FRMD4A: variants seen among roughly 807,000 people sequenced by gnomAD.
FRMD4A encodes FERM domain containing 4A, also known as FERM domain-containing protein 4A.
Under a neutral mutation model 129.1 loss-of-function variants are expected in FRMD4A, and 29 were observed. The ratio of observed to expected loss-of-function variants is 0.22; its 90% CI spans 0.17 to 0.31. FRMD4A has a LOEUF of 0.31. Among genes scored for constraint, FRMD4A ranks in the 10% least tolerant of loss-of-function variants. The pLI is 1.00. For missense variants in FRMD4A, 1,272 were observed against 1,375.8 expected (o/e 0.92, Z 1.19); for synonymous variants, 634 against 571.6 (o/e 1.11, Z -1.56).
intron 2 of FRMD4A, among the ~76,000 whole-genome samples, chr10:14,027,922 T>C (rs1442749234): frequency 3.9e-5 from 6 of 152,066 alleles, no homozygotes; most frequent in Admixed American, 3.9e-4. Context: ...ATTCGGATTT[T>C]AGTGAATGAT....
At chr10:14,067,882 T>C (rs1389115684) in intron 2 of FRMD4A, among the ~76,000 whole-genome samples, 5 of 152,124 alleles carry the variant, frequency 3.3e-5, no homozygotes, top group African/African-American at 4.8e-5. Flanking sequence ...CAAATGTATA[T>C]ACACAAACAG....
chr10:14,015,273 T>TC (rs2095695496), intron 2 of FRMD4A, among the ~76,000 whole-genome samples: 2 of 84,544 alleles, frequency 2.4e-5, no homozygotes, highest in Admixed American at 1.1e-4. Context: ...TTCCTTCCTT[T>TC]CTTCCTTCCT....
At chr10:13,856,129 G>T (rs931379671) in intron 3 of FRMD4A, among the ~76,000 whole-genome samples, 1 of 151,750 alleles carries the variant, frequency 6.6e-6, no homozygotes, top group African/African-American at 2.4e-5. Context: ...TGTATAGGTA[G>T]TGTGTATATC....
intron 2 of FRMD4A, among the ~76,000 whole-genome samples, chr10:13,929,314 G>C (rs2095168624): frequency 6.6e-6 from 1 of 152,174 alleles, no homozygotes; most frequent in African/African-American, 2.4e-5. Flanking sequence ...TCTCCAGGCT[G>C]AGTCCTTGCT....
chr10:14,099,428 G>A lies in FRMD4A; in HGVS notation c.45+230630C>T, dbSNP rs568172968. On this transcript the variant is annotated intron_variant, in intron 2 of 24. Transcript: ENST00000357447. ...CACTATGTGGCAAATCCTGCTTTAA[G>A]TGTGTACGTGCATAGCCATCCCTCG... Among the ~76,000 whole-genome samples the A allele has an allele frequency of 6.6e-5, 10 of 152,326 alleles. No individual in the cohort carries two copies. The South Asian group carries it at 2.1e-3, about 32-fold the overall frequency.
In FRMD4A at chr10:13,957,043, G is replaced by A. The variant is rs1184037622; in HGVS notation, c.46-98131C>T. On this transcript the variant is annotated intron_variant, in intron 2 of 24. Coordinates refer to ENST00000357447, the MANE Select transcript of FRMD4A (RefSeq NM_018027.5). ...TCTTGCTAAATAATTGGCTTAGAAA[G>A]TCGTGAAAGGCGTCAGTGGCTCTGA... Among the ~76,000 whole-genome samples the A allele has an allele frequency of 2.0e-5, 3 of 152,318 alleles. No homozygotes were observed. In the South Asian group the frequency reaches 6.2e-4, roughly 32 times the overall value.
At chr10:14,166,020 CTG>C (rs1315178787) in intron 2 of FRMD4A, among the ~76,000 whole-genome samples, 1 of 152,050 alleles carries the variant, frequency 6.6e-6, no homozygotes, top group East Asian at 1.9e-4. Context: ...AGAAAAAAAA[CTG>C]TCTTCATAGT....
At chr10:13,872,664 T>A (rs1239515523) in intron 2 of FRMD4A, among the ~76,000 whole-genome samples, 1 of 152,212 alleles carries the variant, frequency 6.6e-6, no homozygotes. Flanking sequence ...CACACCTACC[T>A]AACATCCAAC....
chr10:13,793,846 A>G (rs1240486723), intron 5 of FRMD4A, among the ~76,000 whole-genome samples: 1 of 152,216 alleles, frequency 6.6e-6, no homozygotes, highest in African/African-American at 2.4e-5. Flanking sequence ...GATGAAAAGC[A>G]AGGTAAAGAG....
At chr10:14,000,778 G>C (rs1253384590) in intron 2 of FRMD4A, among the ~76,000 whole-genome samples, 1 of 151,808 alleles carries the variant, frequency 6.6e-6, no homozygotes, top group Admixed American at 6.6e-5. Context: ...CCATGCACCA[G>C]TCAAGAAAAG....
In FRMD4A at chr10:13,737,828, AG is replaced by A; in HGVS notation, c.759+15del. 1 of 1,443,846 alleles carries A rather than the reference AG, an allele frequency of 6.9e-7. No individual in the cohort carries two copies. The highest frequency in any genetic ancestry group is 2.3e-5 in the East Asian group (1 of 44,058). 89.4% of individuals were successfully genotyped at this position (1,443,846 alleles called of 1,614,324 possible). On this transcript the variant is annotated intron_variant, in intron 12 of 24. Transcript: ENST00000357447. ...GATCTGAGAGGAGTTAAACCCAAGCAGGAGACCAGCCTTACCTTTCTTGGCT... is the reference window on the plus strand; with the variant it reads ...GATCTGAGAGGAGTTAAACCCAAGCAGAGACCAGCCTTACCTTTCTTGGCT...
chr10:13,976,499 A>G (rs181131879), intron 2 of FRMD4A, among the ~76,000 whole-genome samples: 3 of 151,626 alleles, frequency 2.0e-5, no homozygotes, highest in Admixed American at 2.0e-4. Context: ...TGTGTTTTCT[A>G]TCCCGGCTCC....
At chr10:14,014,324 TAACAAA>T (rs1311228396) in intron 2 of FRMD4A, among the ~76,000 whole-genome samples, 4 of 152,226 alleles carry the variant, frequency 2.6e-5, no homozygotes, top group African/African-American at 9.7e-5. Flanking sequence ...TCTATGCATG[TAACAAA>T]ATATCACACG....
intron 2 of FRMD4A, among the ~76,000 whole-genome samples, chr10:14,037,469 T>C (rs1455090358): frequency 1.3e-5 from 2 of 152,198 alleles, no homozygotes; most frequent in Non-Finnish European, 2.9e-5. Flanking sequence ...CCACCCACCT[T>C]AGCCTCTCAA....
chr10:14,220,278 G>A (rs1477543337), intron 2 of FRMD4A, among the ~76,000 whole-genome samples: 1 of 152,212 alleles, frequency 6.6e-6, no homozygotes, highest in Admixed American at 6.5e-5. Context: ...AAAGTGCCTT[G>A]TTTATATGGC....
chr10:13,773,481 C>G (rs1278699041), intron 6 of FRMD4A, among the ~76,000 whole-genome samples: 1 of 152,250 alleles, frequency 6.6e-6, no homozygotes, highest in African/African-American at 2.4e-5. Context: ...CTCTGAGGAA[C>G]TGAATGGAAA....
At chr10:13,777,880 C>G (rs1004807734) in intron 6 of FRMD4A, among the ~76,000 whole-genome samples, 1 of 142,908 alleles carries the variant, frequency 7.0e-6, no homozygotes, top group Non-Finnish European at 1.5e-5. Flanking sequence ...CTTACTGCAA[C>G]CTCAGCCTCC....
At chr10:13,981,685 G>A (rs1373246675) in intron 2 of FRMD4A, among the ~76,000 whole-genome samples, 1 of 148,266 alleles carries the variant, frequency 6.7e-6, no homozygotes, top group African/African-American at 2.5e-5. Context: ...GTTGTAGTGA[G>A]CCGAGATCAC....
chr10:14,024,372 G>A (rs1832895837), intron 2 of FRMD4A, among the ~76,000 whole-genome samples: 1 of 152,196 alleles, frequency 6.6e-6, no homozygotes. Context: ...CCATGAGCAG[G>A]TGCTCCAGTG....
Sources: gnomAD v4.1 joint callset for allele counts (sites outside exome capture counted in the v4.1 genomes callset) on GRCh38, gnomAD v4.1.1 for gene constraint, MANE v1.5 for transcripts, NCBI Gene and HGNC (gene_info 2026-07-23, HGNC 2026-07-21) for gene names.